Variants in LHFPL3 observed in about 807,000 individuals in gnomAD.
LHFPL3 encodes the protein LHFPL tetraspan subfamily member 3, also known as LHFPL tetraspan subfamily member 3 protein.
Under a neutral mutation model 19.3 loss-of-function variants are expected in LHFPL3, and 5 were observed. The ratio of observed to expected loss-of-function variants is 0.26; its 90% CI spans 0.14 to 0.54. The LOEUF (loss-of-function observed/expected upper bound fraction) is 0.54. Among genes scored for constraint, LHFPL3 ranks in the 20% least tolerant of loss-of-function variants. The pLI, the probability that LHFPL3 is intolerant of heterozygous loss-of-function variation, is 0.94. For synonymous variants in LHFPL3, 133 were observed against 126.2 expected (o/e 1.05, Z -0.36); for missense variants, 249 against 307.4 (o/e 0.81, Z 1.42).
At chr7:104,331,293 T>C (rs1331345774) in intron 1 of LHFPL3, among the ~76,000 whole-genome samples, 2 of 152,252 alleles carry the variant, frequency 1.3e-5, no homozygotes, top group Non-Finnish European at 2.9e-5. Flanking sequence ...TTCCACGTCA[T>C]GTAAAATGTG....
intron 1 of LHFPL3, among the ~76,000 whole-genome samples, chr7:104,563,349 G>A (rs546000279): frequency 1.3e-5 from 2 of 152,412 alleles, no homozygotes; most frequent in South Asian, 2.1e-4. Context: ...GTGGGCGTAG[G>A]ACCCTCCGAG....
chr7:104,849,630 T>G (rs115051362), intron 2 of LHFPL3, among the ~76,000 whole-genome samples: 10 of 152,380 alleles, frequency 6.6e-5, no homozygotes, highest in African/African-American at 2.4e-4. Context: ...AATTGCCCAT[T>G]TTTATGCAGA....
intron 2 of LHFPL3, among the ~76,000 whole-genome samples, chr7:104,848,897 T>C (rs1446763588): frequency 6.6e-6 from 1 of 151,842 alleles, no homozygotes. Context: ...TTTTGTTTTT[T>C]TGGTTTTTTT....
intron 1 of LHFPL3, among the ~76,000 whole-genome samples, chr7:104,561,680 A>G (rs1215005460): frequency 6.6e-6 from 1 of 152,080 alleles, no homozygotes; most frequent in African/African-American, 2.4e-5. Flanking sequence ...TAGTCCATTT[A>G]CATTTAAAGT....
intron 2 of LHFPL3, among the ~76,000 whole-genome samples, chr7:104,829,394 T>C (rs1790893017): frequency 6.6e-6 from 1 of 151,800 alleles, no homozygotes. Flanking sequence ...ATTACTTACA[T>C]ATGTATACAT....
intron 2 of LHFPL3, among the ~76,000 whole-genome samples, chr7:104,774,348 G>A (rs796683455): frequency 1.5e-4 from 23 of 152,270 alleles, no homozygotes; most frequent in African/African-American, 5.1e-4. Context: ...TATAACCCTA[G>A]CAATGACTTA....
At position 104,907,082 on chromosome 7, in the gene LHFPL3, A is replaced by G. The variant is rs1429642718; in HGVS notation, c.*867A>G. ...TATTATAGGCTACTATCAAATAAAC[A>G]CTTTTTTTCTAATTCTCCCTAGTAT... is the stretch of plus-strand genomic sequence containing the variant. On this transcript the variant is annotated 3_prime_UTR_variant, in exon 3 of 3. Transcript: ENST00000424859. The G allele has an allele frequency of 8.5e-5, 13 of 152,568 alleles. No homozygotes were observed. The highest frequency in any genetic ancestry group is 2.4e-5 in the African/African-American group (1 of 41,454). 9.5% of individuals were successfully genotyped at this position (152,568 alleles called of 1,614,324 possible).
At chr7:104,624,324 T>A (rs1226957243) in intron 1 of LHFPL3, among the ~76,000 whole-genome samples, 1 of 152,244 alleles carries the variant, frequency 6.6e-6, no homozygotes, top group Non-Finnish European at 1.5e-5. Flanking sequence ...AGAGGCTTCC[T>A]CTAATTCATT....
chr7:104,358,266 G>A (rs1003778), intron 1 of LHFPL3, among the ~76,000 whole-genome samples: 52,596 of 151,990 alleles, frequency 0.35, 9,541 homozygotes, highest in African/African-American at 0.45. Context: ...ACTTAATACC[G>A]TTCAGTTGTG....
At position 104,906,429 on chromosome 7, in the gene LHFPL3, C is replaced by A. The variant is rs1368229369; in HGVS notation, c.*214C>A. On this transcript the variant is annotated 3_prime_UTR_variant, in exon 3 of 3. Transcript: ENST00000424859. Reference sequence around the variant, plus strand: ...GTGATTTTCTGGAAAGAGATGTGATCATGGATTAAACACCAGCTCATTGGA... The same window carrying A: ...GTGATTTTCTGGAAAGAGATGTGATAATGGATTAAACACCAGCTCATTGGA... The A allele has an allele frequency of 6.9e-6, 4 of 577,114 alleles. No homozygotes were observed. In the East Asian group the frequency reaches 1.2e-4, roughly 17 times the overall value. The allele number at this position is 577,114 out of a possible 1,614,324, so 35.7% of individuals were successfully genotyped here.
intron 1 of LHFPL3, among the ~76,000 whole-genome samples, chr7:104,518,048 T>A (rs1793956560): frequency 6.6e-6 from 1 of 152,158 alleles, no homozygotes; most frequent in Admixed American, 6.6e-5. Flanking sequence ...AAATTGATGC[T>A]GATCCCAATG....
chr7:104,641,163 T>A (rs1392787794), intron 1 of LHFPL3, among the ~76,000 whole-genome samples: 3 of 152,272 alleles, frequency 2.0e-5, no homozygotes, highest in East Asian at 3.9e-4. Context: ...TCTTTCCAAG[T>A]GGGATGCCAT....
In LHFPL3 at chr7:104,669,379, C is replaced by G. The variant is rs527367720; in HGVS notation, c.446-67296C>G. 1.8e-4 allele frequency: 290 copies of G among 1,613,210 alleles called. No homozygotes were observed. In the African/African-American group the frequency reaches 3.5e-3, roughly 20 times the overall value. The stretch of plus-strand genomic sequence containing the variant: ...CCAAACTGGGAACTCTAGCCGTGGT[C>G]CAGGAGACTGAGGGAACAGAGACCA... On this transcript the variant is annotated intron_variant, in intron 1 of 2. Transcript: ENST00000424859.
intron 1 of LHFPL3, among the ~76,000 whole-genome samples, chr7:104,533,934 A>C (rs2115853002): frequency 6.6e-6 from 1 of 152,296 alleles, no homozygotes. Flanking sequence ...CTCCGCTGGT[A>C]AAGGATGAGA....
chr7:104,703,410 A>G (rs1793136343), intron 1 of LHFPL3, among the ~76,000 whole-genome samples: 2 of 152,226 alleles, frequency 1.3e-5, no homozygotes, highest in South Asian at 2.1e-4. Flanking sequence ...TCACATTTTT[A>G]GCCAATTTTG....
intron 2 of LHFPL3, among the ~76,000 whole-genome samples, chr7:104,874,862 T>G (rs1220791505): frequency 6.6e-6 from 1 of 151,958 alleles, no homozygotes; most frequent in Non-Finnish European, 1.5e-5. Flanking sequence ...TTTCCTTTTT[T>G]TTTTTTAAGG....
In LHFPL3 at chr7:104,393,418, T is replaced by C. The variant is rs893076568; in HGVS notation, c.445+64194T>C. ...AAAAATTATGTTCATCAATGAATAATGAATAAACAAAATGTCAGGCTGGGC... is the reference window on the plus strand; with the variant it reads ...AAAAATTATGTTCATCAATGAATAACGAATAAACAAAATGTCAGGCTGGGC... On this transcript the variant is annotated intron_variant, in intron 1 of 2. Coordinates refer to ENST00000424859, the MANE Select transcript of LHFPL3 (RefSeq NM_199000.3). Among the ~76,000 whole-genome samples the C allele has an allele frequency of 2.0e-5, 3 of 151,986 alleles. No individual in the cohort carries two copies. In the East Asian group the frequency reaches 5.8e-4, roughly 29 times the overall value.
At chr7:104,510,765 G>A (rs185360488) in intron 1 of LHFPL3, among the ~76,000 whole-genome samples, 170 of 152,202 alleles carry the variant, frequency 1.1e-3, no homozygotes, top group African/African-American at 4.0e-3. Flanking sequence ...CCAAGTGGGA[G>A]AATGTATTTG....
At chr7:104,400,848 A>G (rs1449502795) in intron 1 of LHFPL3, among the ~76,000 whole-genome samples, 3 of 152,150 alleles carry the variant, frequency 2.0e-5, no homozygotes, top group Non-Finnish European at 4.4e-5. Context: ...ATTATATATC[A>G]TTTGGAATCA....
Sources: gnomAD v4.1 joint callset for allele counts (sites outside exome capture counted in the v4.1 genomes callset) on GRCh38, gnomAD v4.1.1 for gene constraint, MANE v1.5 for transcripts, NCBI Gene and HGNC (gene_info 2026-07-23, HGNC 2026-07-21) for gene names.